Variants in RBM46 observed in about 807,000 individuals in gnomAD.
RBM46 encodes probable RNA-binding protein 46.
A neutral mutation model predicts 43.3 loss-of-function variants in RBM46; 12 were observed. The ratio of observed to expected loss-of-function variants is 0.28; its 90% confidence interval spans 0.18 to 0.45. The LOEUF is 0.45. RBM46 is among the 20% of genes least tolerant of loss of function. The probability of loss-of-function intolerance (pLI) is 1.00; values close to 1 mark genes in which losing one functional copy is unlikely to be tolerated. For missense variants in RBM46, 412 were observed against 639.1 expected, an observed-to-expected ratio of 0.64 and a Z score of 3.83; for synonymous variants, 205 against 207.6, an observed-to-expected ratio of 0.99 and a Z score of 0.11.
intron 4 of RBM46, chr4:154,820,237 A>C: frequency 2.2e-6 from 1 of 462,668 alleles, no homozygotes; most frequent in East Asian, 3.5e-5. Flanking sequence ...CTTTTTCTCT[A>C]AATTTGTTTT....
At chr4:154,807,474 GAA>G (rs1734962169) in intron 4 of RBM46, among the ~76,000 whole-genome samples, 1 of 151,858 alleles carries the variant, frequency 6.6e-6, no homozygotes, top group Admixed American at 6.6e-5. Context: ...GTAATTAAGT[GAA>G]TGGACTCATG....
chr4:154,814,512 G>A (rs540739846), intron 4 of RBM46, among the ~76,000 whole-genome samples: 6 of 151,888 alleles, frequency 4.0e-5, no homozygotes, highest in Admixed American at 3.3e-4. Flanking sequence ...TCTATATGCC[G>A]ACAGAAATTT....
intron 4 of RBM46, among the ~76,000 whole-genome samples, chr4:154,806,723 T>G (rs1734925515): frequency 6.6e-6 from 1 of 151,936 alleles, no homozygotes; most frequent in African/African-American, 2.4e-5. Context: ...TAATTGTTTT[T>G]CAGTTATTTT....
chr4:154,817,984 G>A (rs1345801523), intron 4 of RBM46, among the ~76,000 whole-genome samples: 1 of 151,822 alleles, frequency 6.6e-6, no homozygotes, highest in Non-Finnish European at 1.5e-5. Flanking sequence ...TCACATCCTA[G>A]ATAATACAAG....
At chr4:154,791,873 C>T (rs968149448) in intron 1 of RBM46, among the ~76,000 whole-genome samples, 6 of 151,834 alleles carry the variant, frequency 4.0e-5, no homozygotes, top group African/African-American at 1.2e-4. Flanking sequence ...GTTTTGTTGC[C>T]GGACTTTTCC....
intron 1 of RBM46, among the ~76,000 whole-genome samples, chr4:154,792,176 G>A (rs1734127394): frequency 6.6e-6 from 1 of 152,086 alleles, no homozygotes; most frequent in Admixed American, 6.6e-5. Context: ...CAATTTAATA[G>A]CACTATTACT....
chr4:154,783,089 ATCTG>A (rs1458788777), intron 1 of RBM46, among the ~76,000 whole-genome samples: 1 of 152,136 alleles, frequency 6.6e-6, no homozygotes, highest in Non-Finnish European at 1.5e-5. Flanking sequence ...CTTTGTTTGC[ATCTG>A]TCTGCATTTG....
intron 4 of RBM46, among the ~76,000 whole-genome samples, chr4:154,802,611 G>A: frequency 6.6e-6 from 1 of 152,158 alleles, no homozygotes; most frequent in East Asian, 1.9e-4. Context: ...CGTAGTCCAA[G>A]GATTGAATTG....
intron 1 of RBM46, among the ~76,000 whole-genome samples, chr4:154,794,266 C>T (rs969685875): frequency 4.7e-5 from 7 of 150,532 alleles, no homozygotes; most frequent in African/African-American, 1.7e-4. Context: ...CTGCAAGCTC[C>T]GCCTCCCGGG....
At chr4:154,827,522 C>A in intron 4 of RBM46, 1 of 1,031,534 alleles carries the variant, frequency 9.7e-7, no homozygotes, top group Non-Finnish European at 1.2e-6. Flanking sequence ...TCATGGACTA[C>A]CCCTTAGAAC....
At chr4:154,809,538 T>G (rs1369798397) in intron 4 of RBM46, among the ~76,000 whole-genome samples, 1 of 152,136 alleles carries the variant, frequency 6.6e-6, no homozygotes, top group African/African-American at 2.4e-5. Context: ...TATAGTTAGC[T>G]TACTTGTTTA....
chr4:154,811,648 GAT>G (rs922943608), intron 4 of RBM46, among the ~76,000 whole-genome samples: 8 of 137,886 alleles, frequency 5.8e-5, no homozygotes, highest in South Asian at 4.8e-4. Flanking sequence ...TGGTAGATAG[GAT>G]ATGTGTGTGT....
At chr4:154,826,989 T>G in intron 4 of RBM46, 2 of 1,281,012 alleles carry the variant, frequency 1.6e-6, no homozygotes, top group Non-Finnish European at 2.0e-6. Flanking sequence ...AATAATGATT[T>G]TATAGTCATT....
intron 1 of RBM46, among the ~76,000 whole-genome samples, chr4:154,786,131 G>T (rs34866327): frequency 0.22 from 34,183 of 152,124 alleles, 4,280 homozygotes; most frequent in Middle Eastern, 0.3. Context: ...TTCTCCCCCA[G>T]GCTGGAATGC....
intron 4 of RBM46, chr4:154,827,006 C>A: frequency 8.0e-7 from 1 of 1,253,252 alleles, no homozygotes; most frequent in East Asian, 3.1e-5. Context: ...CATTGTCACA[C>A]CCTTGGCTTA....
At chr4:154,800,045 A>G (rs1734553211) in intron 4 of RBM46, among the ~76,000 whole-genome samples, 1 of 152,146 alleles carries the variant, frequency 6.6e-6, no homozygotes, top group African/African-American at 2.4e-5. Flanking sequence ...TGCTGGGATT[A>G]CAGGCGTGAG....
chr4:154,811,489 T>C (rs1342237999), intron 4 of RBM46, among the ~76,000 whole-genome samples: 1 of 152,076 alleles, frequency 6.6e-6, no homozygotes, highest in East Asian at 1.9e-4. Context: ...ACCATGTAAA[T>C]AGTGAAGAAT....
At chr4:154,808,097 A>C (rs1359904314) in intron 4 of RBM46, among the ~76,000 whole-genome samples, 1 of 152,028 alleles carries the variant, frequency 6.6e-6, no homozygotes, top group Non-Finnish European at 1.5e-5. Context: ...ATAAGAGTAC[A>C]ATCATCAGAA....
chr4:154,813,955 G>T (rs1045128609), intron 4 of RBM46, among the ~76,000 whole-genome samples: 3 of 151,892 alleles, frequency 2.0e-5, no homozygotes, highest in Non-Finnish European at 4.4e-5. Flanking sequence ...TCAAACTAAA[G>T]ACCAGTAAAA....
Sources: gnomAD v4.1 joint callset for allele counts (sites outside exome capture counted in the v4.1 genomes callset) on GRCh38, gnomAD v4.1.1 for gene constraint, MANE v1.5 for transcripts, NCBI Gene and HGNC (gene_info 2026-07-23, HGNC 2026-07-21) for gene names.